Variants in MAF observed in about 807,000 individuals in gnomAD.
The protein encoded by MAF is transcription factor Maf.
MAF carries 10 observed loss-of-function variants against 22.0 expected under a neutral mutation model. That is an observed-to-expected ratio of 0.45 (90% CI 0.28 to 0.77). MAF has a LOEUF of 0.77. MAF is among the 30% of genes least tolerant of loss of function. MAF has a pLI of 0.12. For synonymous variants in MAF, 337 were observed against 255.8 expected, an observed-to-expected ratio of 1.32 and a Z score of -3.03; for missense variants, 544 against 548.4, an observed-to-expected ratio of 0.99 and a Z score of 0.08.
chr16:79,314,876 G>C, the MAF span, among the ~76,000 whole-genome samples: 1 of 152,176 alleles, frequency 6.6e-6, no homozygotes, highest in Admixed American at 6.5e-5. Context: ...CTCAGAGCAA[G>C]TCCCGGTGGG....
the MAF span, among the ~76,000 whole-genome samples, chr16:79,348,924 C>A: frequency 2.0e-5 from 3 of 152,148 alleles, no homozygotes; most frequent in Non-Finnish European, 4.4e-5. Flanking sequence ...GACCTCAAGG[C>A]CCTAGATCTG....
chr16:79,579,150 T>C, the MAF span, among the ~76,000 whole-genome samples: 3 of 152,252 alleles, frequency 2.0e-5, no homozygotes, highest in Middle Eastern at 3.4e-3. Context: ...GACAGAGAAT[T>C]CTAGTGCGCA....
At chr16:79,449,601 C>A in the MAF span, among the ~76,000 whole-genome samples, 1 of 152,148 alleles carries the variant, frequency 6.6e-6, no homozygotes, top group African/African-American at 2.4e-5. Flanking sequence ...AATGCTACAA[C>A]GCCGGCCTAC....
the MAF span, among the ~76,000 whole-genome samples, chr16:79,362,113 C>T: frequency 1.3e-5 from 2 of 152,134 alleles, no homozygotes; most frequent in Admixed American, 6.5e-5. Flanking sequence ...CCTCAGTTTC[C>T]TTAATCTTCA....
the MAF span, among the ~76,000 whole-genome samples, chr16:79,310,197 TCCC>T: frequency 6.6e-6 from 1 of 152,154 alleles, no homozygotes; most frequent in Non-Finnish European, 1.5e-5. Context: ...ATGAGGTCAA[TCCC>T]TGACTTGGTG....
chr16:79,208,915 G>C, the MAF span, among the ~76,000 whole-genome samples: 6 of 152,198 alleles, frequency 3.9e-5, no homozygotes, highest in African/African-American at 1.2e-4. Context: ...TGTCCAGCAA[G>C]GGAGGAAAGT....
At chr16:79,245,248 A>C in the MAF span, among the ~76,000 whole-genome samples, 2 of 152,046 alleles carry the variant, frequency 1.3e-5, no homozygotes, top group South Asian at 4.1e-4. Flanking sequence ...GCTTCTTCAC[A>C]ACAAAAGAAA....
chr16:79,505,200 A>C, the MAF span, among the ~76,000 whole-genome samples: 2 of 152,204 alleles, frequency 1.3e-5, no homozygotes, highest in South Asian at 4.1e-4. Flanking sequence ...AATTTTGTAA[A>C]GCATTGACAT....
the MAF span, among the ~76,000 whole-genome samples, chr16:79,356,672 C>A: frequency 5.3e-5 from 8 of 152,152 alleles, no homozygotes; most frequent in African/African-American, 1.9e-4. Context: ...TGAAACACTT[C>A]CCCCCACTTT....
chr16:79,586,868 C>T (rs2042562029), intron 1 of MAF, among the ~76,000 whole-genome samples: 2 of 152,190 alleles, frequency 1.3e-5, no homozygotes, highest in Admixed American at 1.3e-4. Context: ...AATCTGTGTA[C>T]AATAACGGCG....
At chr16:79,472,467 C>A in the MAF span, among the ~76,000 whole-genome samples, 1 of 152,028 alleles carries the variant, frequency 6.6e-6, no homozygotes, top group Non-Finnish European at 1.5e-5. Context: ...AAATGCATGC[C>A]ACATCAGGGG....
the MAF span, among the ~76,000 whole-genome samples, chr16:79,341,968 G>A: frequency 1.3e-5 from 2 of 152,214 alleles, no homozygotes; most frequent in African/African-American, 2.4e-5. Flanking sequence ...TGCTACTGCT[G>A]CTGCTACAAC....
the MAF span, among the ~76,000 whole-genome samples, chr16:79,267,082 A>G: frequency 6.6e-6 from 1 of 152,214 alleles, no homozygotes; most frequent in African/African-American, 2.4e-5. Flanking sequence ...TTGCTTATGC[A>G]TGTAATACAC....
chr16:79,226,757 T>C, the MAF span, among the ~76,000 whole-genome samples: 1 of 152,074 alleles, frequency 6.6e-6, no homozygotes, highest in Non-Finnish European at 1.5e-5. Flanking sequence ...ACATTTTCTA[T>C]GATAAAGGTA....
At chr16:79,265,723 TTCCTATCCTTAAG>T in the MAF span, among the ~76,000 whole-genome samples, 1 of 152,346 alleles carries the variant, frequency 6.6e-6, no homozygotes, top group East Asian at 1.9e-4. Context: ...CACAATGTTT[TTCCTATCCTTAAG>T]TCCAGAACTT....
At chr16:79,543,934 C>A in the MAF span, among the ~76,000 whole-genome samples, 2 of 151,968 alleles carry the variant, frequency 1.3e-5, no homozygotes, top group Non-Finnish European at 2.9e-5. Context: ...GATCCACCCG[C>A]CTCGGCCTCC....
At chr16:79,279,184 A>G in the MAF span, among the ~76,000 whole-genome samples, 8,487 of 152,156 alleles carry the variant, frequency 0.056, 250 homozygotes, top group African/African-American at 0.074. Flanking sequence ...GAAATGGTAG[A>G]ATGCTGCTTC....
chr16:79,436,135 T>A, the MAF span, among the ~76,000 whole-genome samples: 1 of 152,188 alleles, frequency 6.6e-6, no homozygotes, highest in Non-Finnish European at 1.5e-5. Flanking sequence ...CAGGCTGGAG[T>A]GCAGTGGCAT....
chr16:79,230,907 C>T, the MAF span, among the ~76,000 whole-genome samples: 30 of 151,996 alleles, frequency 2.0e-4, 1 homozygote, highest in Admixed American at 5.9e-4. Context: ...TCTGATCCTA[C>T]GGGGTAGGGC....
Sources: gnomAD v4.1 joint callset for allele counts (sites outside exome capture counted in the v4.1 genomes callset) on GRCh38, gnomAD v4.1.1 for gene constraint, MANE v1.5 for transcripts, NCBI Gene and HGNC (gene_info 2026-07-23, HGNC 2026-07-21) for gene names.